Variants in VTA1 observed in about 807,000 individuals in gnomAD.
VTA1 encodes vesicle trafficking 1, also known as vacuolar protein sorting-associated protein VTA1 homolog.
In VTA1, 24 loss-of-function variants were observed where a neutral mutation model predicts 36.9. The observed-to-expected ratio is 0.65, with a 90% CI of 0.47 to 0.91. The LOEUF (loss-of-function observed/expected upper bound fraction) is 0.91. VTA1 is among the 40% of genes least tolerant of loss of function. The probability of loss-of-function intolerance (pLI) is 0.00; values close to 1 mark genes in which losing one functional copy is unlikely to be tolerated. For missense variants in VTA1, 393 were observed against 377.2 expected (o/e 1.04, Z -0.35); for synonymous variants, 142 against 130.2 (o/e 1.09, Z -0.62).
chr6:142,222,949 C>T lies in VTA1; in HGVS notation c.*4306C>T, dbSNP rs1776137719. 6.6e-6 allele frequency: 1 copy of T among 152,170 alleles called. No homozygotes were observed. The highest frequency in any genetic ancestry group is 2.1e-4 in the South Asian group (1 of 4,834). 9.4% of individuals were successfully genotyped at this position (152,170 alleles called of 1,614,324 possible). A position where few individuals can be genotyped will look rare whatever the true frequency, so the allele number is the denominator to read the frequency against. On this transcript the variant is annotated 3_prime_UTR_variant, in exon 8 of 8. Transcript: ENST00000367630. ...AGGGAGCCACAGAGTAACAAATTTG[C>T]CTAAGGTAACACAGCTAATATTTAT...
At chr6:142,212,575 A>G (rs922980401) in intron 7 of VTA1, among the ~76,000 whole-genome samples, 17 of 152,048 alleles carry the variant, frequency 1.1e-4, no homozygotes, top group African/African-American at 4.1e-4. Context: ...ATTTTGTATG[A>G]CACTGTGTTT....
intron 4 of VTA1, among the ~76,000 whole-genome samples, chr6:142,181,536 G>T (rs563554322): frequency 2.7e-5 from 4 of 150,660 alleles, no homozygotes; most frequent in African/African-American, 7.3e-5. Flanking sequence ...AATAGTTGGA[G>T]AATCTGAGTA....
intron 1 of VTA1, among the ~76,000 whole-genome samples, chr6:142,153,716 A>C (rs953354051): frequency 1.3e-5 from 2 of 152,138 alleles, no homozygotes; most frequent in African/African-American, 4.8e-5. Context: ...TATGTGTTTG[A>C]ACTTTTTAAT....
chr6:142,223,004 A>G lies in VTA1; in HGVS notation c.*4361A>G, dbSNP rs890263339. 2 of 152,222 alleles carry G rather than the reference A, an allele frequency of 1.3e-5. No homozygotes were observed. Among genetic ancestry groups the G allele is most frequent in the African/African-American group, 4.8e-5 (2 of 41,456 alleles). 9.4% of individuals were successfully genotyped at this position (152,222 alleles called of 1,614,324 possible). Reference sequence around the variant, plus strand: ...AAGCTCAGACTGCCTGTTTCAGATCATAAGAAGTATCATCCATGTCAGTAA... The same window carrying G: ...AAGCTCAGACTGCCTGTTTCAGATCGTAAGAAGTATCATCCATGTCAGTAA... On this transcript the variant is annotated 3_prime_UTR_variant, in exon 8 of 8. Transcript: ENST00000367630.
chr6:142,170,948 C>T (rs141899701), intron 4 of VTA1, among the ~76,000 whole-genome samples: 2 of 152,172 alleles, frequency 1.3e-5, no homozygotes, highest in African/African-American at 2.4e-5. Flanking sequence ...TCTTTAAATC[C>T]AGCATGTATT....
chr6:142,161,076 CT>C (rs781014031), intron 1 of VTA1, among the ~76,000 whole-genome samples: 2,527 of 127,846 alleles, frequency 0.02, 309 homozygotes, highest in African/African-American at 0.066. Context: ...TGCTTCCTTC[CT>C]TCCCCCCCCC....
chr6:142,181,475 G>A (rs368337871), intron 4 of VTA1, among the ~76,000 whole-genome samples: 1 of 106,196 alleles, frequency 9.4e-6, no homozygotes, highest in Non-Finnish European at 2.3e-5. Context: ...ATATATATAT[G>A]TATATGTACT....
At chr6:142,147,442 A>G (rs753844696) in intron 1 of VTA1, 43 bp downstream of exon 1, 5 of 1,576,048 alleles carry the variant, frequency 3.2e-6, no homozygotes, top group Non-Finnish European at 2.6e-6. Context: ...TCCCAGTTGC[A>G]TTTTAGGGCC....
intron 4 of VTA1, among the ~76,000 whole-genome samples, chr6:142,182,043 T>C (rs1342842833): frequency 6.6e-6 from 1 of 152,222 alleles, no homozygotes; most frequent in African/African-American, 2.4e-5. Flanking sequence ...ATATAATAAC[T>C]TGGGAGGTTG....
intron 1 of VTA1, among the ~76,000 whole-genome samples, chr6:142,163,906 T>G (rs1406666715): frequency 6.6e-6 from 1 of 152,168 alleles, no homozygotes; most frequent in Non-Finnish European, 1.5e-5. Context: ...ATAAGAGATA[T>G]ATAAAATAGA....
At chr6:142,193,934 T>C (rs368725322) in intron 5 of VTA1, among the ~76,000 whole-genome samples, 1 of 152,196 alleles carries the variant, frequency 6.6e-6, no homozygotes, top group East Asian at 1.9e-4. Context: ...GTCCATTATA[T>C]TGATGACATT....
At chr6:142,178,787 T>G (rs1478086833) in intron 4 of VTA1, among the ~76,000 whole-genome samples, 1 of 152,030 alleles carries the variant, frequency 6.6e-6, no homozygotes, top group Non-Finnish European at 1.5e-5. Flanking sequence ...ACACCCAAAT[T>G]TTATAGTAGA....
At chr6:142,176,874 TG>T (rs1162459669) in intron 4 of VTA1, among the ~76,000 whole-genome samples, 2 of 152,168 alleles carry the variant, frequency 1.3e-5, no homozygotes, top group Admixed American at 6.5e-5. Flanking sequence ...ATGGTCCTCC[TG>T]GCTTGAAAAA....
chr6:142,158,492 C>G (rs1488962063), intron 1 of VTA1, among the ~76,000 whole-genome samples: 1 of 152,114 alleles, frequency 6.6e-6, no homozygotes, highest in African/African-American at 2.4e-5. Flanking sequence ...GGCGATTACT[C>G]GTTTGATATT....
chr6:142,209,914 A>G (rs1384900862), intron 7 of VTA1, among the ~76,000 whole-genome samples: 5 of 152,100 alleles, frequency 3.3e-5, no homozygotes, highest in Admixed American at 2.0e-4. Flanking sequence ...AAAAAAAAGA[A>G]CCCTAAGATT....
chr6:142,188,166 C>T (rs1161325626), intron 4 of VTA1, among the ~76,000 whole-genome samples: 1 of 151,126 alleles, frequency 6.6e-6, no homozygotes, highest in East Asian at 1.9e-4. Context: ...TCCTTGGCCT[C>T]CCAAAGTGCT....
intron 1 of VTA1, among the ~76,000 whole-genome samples, chr6:142,153,093 C>T (rs950110916): frequency 2.0e-5 from 3 of 152,070 alleles, no homozygotes; most frequent in Non-Finnish European, 4.4e-5. Context: ...TCTTGATTCT[C>T]CTGGAGGACA....
intron 3 of VTA1, 37 bp from the exon 4 acceptor site, chr6:142,170,309 T>G: frequency 7.1e-7 from 1 of 1,415,170 alleles, no homozygotes; most frequent in South Asian, 1.2e-5. Context: ...TTAATGTGTT[T>G]CATATTTAAA....
Position 142,221,144 on chromosome 6 carries a change from G to C in VTA1, c.*2501G>C, listed in dbSNP as rs1255735847. Reference sequence around the variant, plus strand: ...GAGAAAAGAGATTCTCCTCAAACCGGTTCTCAAAGGTGTCTCTGGACGACC... The same window carrying C: ...GAGAAAAGAGATTCTCCTCAAACCGCTTCTCAAAGGTGTCTCTGGACGACC... On this transcript the variant is annotated 3_prime_UTR_variant, in exon 8 of 8. Coordinates refer to ENST00000367630, the MANE Select transcript of VTA1 (RefSeq NM_016485.5). 4 of 152,142 alleles carry C rather than the reference G, an allele frequency of 2.6e-5. No individual in the cohort carries two copies. The highest frequency in any genetic ancestry group is 5.9e-5 in the Non-Finnish European group (4 of 68,032). The allele number at this position is 152,142 out of a possible 1,614,324, so 9.4% of individuals were successfully genotyped here.
Sources: gnomAD v4.1 joint callset for allele counts (sites outside exome capture counted in the v4.1 genomes callset) on GRCh38, gnomAD v4.1.1 for gene constraint, MANE v1.5 for transcripts, NCBI Gene and HGNC (gene_info 2026-07-23, HGNC 2026-07-21) for gene names.